The following ADAMTS12 variants were observed in gnomAD, a reference collection of about 807,000 sequenced individuals.
ADAMTS12 encodes A disintegrin and metalloproteinase with thrombospondin motifs 12.
A neutral mutation model predicts 167.8 loss-of-function variants in ADAMTS12; 118 were observed. That is an observed-to-expected ratio of 0.70 (90% CI 0.61 to 0.82). ADAMTS12 has a LOEUF of 0.82. Ranked by LOEUF, ADAMTS12 falls within the 40% of genes least tolerant of loss-of-function variation. The pLI, the probability that ADAMTS12 is intolerant of heterozygous loss-of-function variation, is 0.00. For synonymous variants in ADAMTS12, 704 were observed against 716.9 expected, an observed-to-expected ratio of 0.98 and a Z score of 0.29; for missense variants, 1,916 against 1,998.8, an observed-to-expected ratio of 0.96 and a Z score of 0.79.
chr5:33,591,222 A>C (rs1253883039), intron 17 of ADAMTS12, among the ~76,000 whole-genome samples: 1 of 152,078 alleles, frequency 6.6e-6, no homozygotes, highest in Non-Finnish European at 1.5e-5. Context: ...GGGATGGGTT[A>C]GAGACCCTTT....
At position 33,679,544 on chromosome 5, in the gene ADAMTS12, G is replaced by A. The variant is rs542687316; in HGVS notation, c.915+3474C>T. 7.2e-5 allele frequency among the ~76,000 whole-genome samples: 11 copies of A among 152,228 alleles called. No individual in the cohort carries two copies. The South Asian group carries it at 8.3e-4, about 11-fold the overall frequency. ...TCACTGTCACAAGAACAGCATGGGG[G>A]AAACCACCTCCATGTTTCAATTAGC... On this transcript the variant is annotated intron_variant, in intron 5 of 23. Coordinates refer to ENST00000504830, the MANE Select transcript of ADAMTS12 (RefSeq NM_030955.4).
Position 33,591,833 on chromosome 5 carries a change from G to A in ADAMTS12, c.2655-3024C>T, listed in dbSNP as rs571906360. ...CAAATCAGTGGTGACAGGGAAAGGG[G>A]GGTGGGTTTCTATTGGCATCTAGTG... On this transcript the variant is annotated intron_variant, in intron 17 of 23. Transcript: ENST00000504830. 2.6e-5 allele frequency among the ~76,000 whole-genome samples: 4 copies of A among 152,224 alleles called. No homozygotes were observed. The South Asian group carries it at 8.3e-4, about 32-fold the overall frequency.
chr5:33,830,146 T>C (rs1161063952), intron 2 of ADAMTS12, among the ~76,000 whole-genome samples: 1 of 151,870 alleles, frequency 6.6e-6, no homozygotes, highest in Non-Finnish European at 1.5e-5. Flanking sequence ...AAAGAAGAAA[T>C]GATGGGACAA....
rs1438290059 is a variant in ADAMTS12 at position 33,616,075 on chromosome 5, A to G, written c.2144-3T>C. On this transcript the variant is annotated splice_polypyrimidine_tract_variant and splice_region_variant and intron_variant, in intron 14 of 23. Transcript: ENST00000504830. ...AATGAGCCCAATGTCAACATAACCTAAAGAGAGAAGACACAATCATGAAAG... is the reference window on the plus strand; with the variant it reads ...AATGAGCCCAATGTCAACATAACCTGAAGAGAGAAGACACAATCATGAAAG... The G allele has an allele frequency of 6.2e-7, 1 of 1,613,518 alleles. No homozygotes were observed. The highest frequency in any genetic ancestry group is 8.5e-7 in the Non-Finnish European group (1 of 1,179,798).
At chr5:33,742,125 T>C (rs760833341) in intron 3 of ADAMTS12, among the ~76,000 whole-genome samples, 20 of 152,116 alleles carry the variant, frequency 1.3e-4, no homozygotes, top group Admixed American at 6.5e-4. Context: ...CAAATTAAAA[T>C]TTCTTGAGGA....
chr5:33,736,327 T>C (rs540366477), intron 3 of ADAMTS12, among the ~76,000 whole-genome samples: 4 of 152,306 alleles, frequency 2.6e-5, no homozygotes, highest in African/African-American at 9.6e-5. Flanking sequence ...CCTCCCAAAA[T>C]GCTGAGATTA....
intron 19 of ADAMTS12, among the ~76,000 whole-genome samples, chr5:33,564,008 C>A (rs568555867): frequency 6.6e-6 from 1 of 152,316 alleles, no homozygotes; most frequent in South Asian, 2.1e-4. Flanking sequence ...CACCTACTTA[C>A]AGTGTTAGCT....
chr5:33,617,229 T>TA (rs1197055027), intron 14 of ADAMTS12, among the ~76,000 whole-genome samples: 4 of 151,618 alleles, frequency 2.6e-5, no homozygotes, highest in African/African-American at 9.8e-5. Flanking sequence ...TTTTTTTTTT[T>TA]TAAATATAAA....
intron 18 of ADAMTS12, among the ~76,000 whole-genome samples, chr5:33,578,357 T>C (rs769775352): frequency 6.6e-6 from 1 of 152,342 alleles, no homozygotes; most frequent in East Asian, 1.9e-4. Context: ...AGGAACTCAC[T>C]TGAAAGGCGG....
At chr5:33,596,122 G>A in intron 16 of ADAMTS12, 62 bp from the exon 17 acceptor site, 4 of 1,587,238 alleles carry the variant, frequency 2.5e-6, no homozygotes, top group Non-Finnish European at 3.4e-6. Context: ...TCATGGTCAG[G>A]TGAGGTACCT....
At chr5:33,650,949 A>C (rs1038059501) in intron 7 of ADAMTS12, among the ~76,000 whole-genome samples, 2 of 152,212 alleles carry the variant, frequency 1.3e-5, no homozygotes, top group Admixed American at 6.5e-5. Flanking sequence ...GATCAGTATT[A>C]GCAACTCTTG....
chr5:33,535,352 G>A (rs1561107014), intron 22 of ADAMTS12, among the ~76,000 whole-genome samples: 1 of 152,142 alleles, frequency 6.6e-6, no homozygotes, highest in Non-Finnish European at 1.5e-5. Context: ...ACACATGACT[G>A]CTCTAGGGAA....
At chr5:33,571,801 A>T in intron 19 of ADAMTS12, among the ~76,000 whole-genome samples, 1 of 151,310 alleles carries the variant, frequency 6.6e-6, no homozygotes. Flanking sequence ...AAATTAATGA[A>T]TCCAGGAGCT....
chr5:33,881,756 T>C (rs1274494356), intron 1 of ADAMTS12, among the ~76,000 whole-genome samples: 2 of 142,834 alleles, frequency 1.4e-5, no homozygotes, highest in African/African-American at 2.7e-5. Context: ...TTTTTTTTAG[T>C]AGAGACAGGA....
At chr5:33,753,123 G>A (rs1014372012) in intron 2 of ADAMTS12, among the ~76,000 whole-genome samples, 10 of 152,204 alleles carry the variant, frequency 6.6e-5, no homozygotes, top group South Asian at 2.1e-4. Flanking sequence ...AGGGGGCAAC[G>A]CCTACTACCT....
chr5:33,786,296 T>C (rs1455464947), intron 2 of ADAMTS12, among the ~76,000 whole-genome samples: 2 of 152,218 alleles, frequency 1.3e-5, no homozygotes, highest in Non-Finnish European at 2.9e-5. Context: ...ATGAATTTTA[T>C]GGTGTGTAAA....
At chr5:33,869,724 C>T (rs1749964053) in intron 2 of ADAMTS12, among the ~76,000 whole-genome samples, 1 of 152,118 alleles carries the variant, frequency 6.6e-6, no homozygotes, top group South Asian at 2.1e-4. Context: ...AAGGTCAGGG[C>T]AAAACTAGAA....
At chr5:33,759,333 G>A (rs1280936023) in intron 2 of ADAMTS12, among the ~76,000 whole-genome samples, 1 of 152,220 alleles carries the variant, frequency 6.6e-6, no homozygotes, top group Non-Finnish European at 1.5e-5. Flanking sequence ...CTATAGCATA[G>A]TCTGTTTTTC....
intron 2 of ADAMTS12, among the ~76,000 whole-genome samples, chr5:33,773,508 C>T (rs1167185702): frequency 6.6e-6 from 1 of 152,152 alleles, no homozygotes; most frequent in African/African-American, 2.4e-5. Flanking sequence ...TGGCTGGTCA[C>T]AGCTCCACCA....
Sources: allele counts gnomAD v4.1 joint callset (sites outside exome capture counted in the v4.1 genomes callset), GRCh38; gene constraint gnomAD v4.1.1; transcripts MANE v1.5; gene names NCBI Gene and HGNC (gene_info 2026-07-23, HGNC 2026-07-21).